The following DACH2 variants were observed in gnomAD, a reference collection of about 807,000 sequenced individuals.
DACH2 encodes the protein dachshund homolog 2.
In DACH2, 17 loss-of-function variants were observed where a neutral mutation model predicts 35.8. The observed-to-expected ratio is 0.48, with a 90% CI of 0.33 to 0.71. The LOEUF is 0.71. Ranked by LOEUF, DACH2 falls within the 30% of genes least tolerant of loss-of-function variation. The probability of loss-of-function intolerance (pLI) is 0.02; values close to 1 mark genes in which losing one functional copy is unlikely to be tolerated. For missense variants in DACH2, 469 were observed against 472.7 expected (o/e 0.99, Z 0.07); for synonymous variants, 195 against 177.3 (o/e 1.10, Z -0.79).
chrX:86,339,148 T>A (rs1036828196), intron 1 of DACH2, among the ~76,000 whole-genome samples: 1 of 110,743 alleles, frequency 9.0e-6, no homozygotes, highest in Non-Finnish European at 1.9e-5. Context: ...CAAAGAGGAG[T>A]TGGTACCCCG....
chrX:86,648,886 C>A (rs374310605), intron 3 of DACH2, among the ~76,000 whole-genome samples: 24 of 110,621 alleles, frequency 2.2e-4, no homozygotes, highest in African/African-American at 7.8e-4. Flanking sequence ...GTGTAAGGAG[C>A]TATATAAAAG....
chrX:86,819,467 G>T lies in DACH2; in HGVS notation c.1750+3368G>T, dbSNP rs978886622. On this transcript the variant is annotated intron_variant, in intron 11 of 11. Coordinates refer to ENST00000373125, the MANE Select transcript of DACH2 (RefSeq NM_053281.3). The stretch of plus-strand genomic sequence containing the variant: ...ATATTTTTGCAAATGACATTCAAGT[G>T]CCATTTGCATAGTGCATTTTTGCTG... Among the ~76,000 whole-genome samples the T allele has an allele frequency of 1.4e-4, 16 of 111,682 alleles. No homozygotes were observed. In the Admixed American group the frequency reaches 1.5e-3, roughly 11 times the overall value.
intron 3 of DACH2, among the ~76,000 whole-genome samples, chrX:86,598,127 A>G (rs972430567): frequency 9.0e-6 from 1 of 111,391 alleles, no homozygotes; most frequent in Admixed American, 9.5e-5. Context: ...ATTACCTCCC[A>G]CCAGGTCCCT....
intron 1 of DACH2, chrX:86,160,914 C>T (rs1484532913): frequency 1.5e-5 from 10 of 674,395 alleles, no homozygotes; most frequent in East Asian, 1.3e-4. Flanking sequence ...GAGAGGCAGG[C>T]GCAAGGGCTT....
intron 6 of DACH2, among the ~76,000 whole-genome samples, chrX:86,716,808 G>T (rs1005127961): frequency 2.0e-4 from 22 of 111,695 alleles, no homozygotes; most frequent in African/African-American, 7.1e-4. Flanking sequence ...TCCAAATATT[G>T]TTTTATTTTT....
intron 1 of DACH2, among the ~76,000 whole-genome samples, chrX:86,374,133 T>C (rs1157847827): frequency 1.8e-5 from 2 of 110,595 alleles, no homozygotes; most frequent in Admixed American, 9.7e-5. Context: ...TGGGGTAAAT[T>C]TAGGTTTCAA....
At chrX:86,346,662 A>G (rs1472861082) in intron 1 of DACH2, among the ~76,000 whole-genome samples, 1 of 111,832 alleles carries the variant, frequency 8.9e-6, no homozygotes, top group Non-Finnish European at 1.9e-5. Context: ...TAAAGTTTTA[A>G]TAGTGTTTCT....
chrX:86,466,317 T>A (rs1187629831), intron 2 of DACH2, among the ~76,000 whole-genome samples: 1 of 110,891 alleles, frequency 9.0e-6, no homozygotes, highest in African/African-American at 3.3e-5. Context: ...GCAGGAACTG[T>A]GGGAGTACAA....
intron 1 of DACH2, among the ~76,000 whole-genome samples, chrX:86,190,897 T>C (rs1395572531): frequency 1.8e-5 from 2 of 111,253 alleles, no homozygotes; most frequent in Non-Finnish European, 3.8e-5. Flanking sequence ...TGAGCTGAGA[T>C]TGCACCATTG....
chrX:86,461,258 G>A (rs761268252), intron 2 of DACH2, among the ~76,000 whole-genome samples: 38 of 111,288 alleles, frequency 3.4e-4, no homozygotes, highest in African/African-American at 1.2e-3. Flanking sequence ...TGAGAGAAGC[G>A]CTTGTTAGCA....
chrX:86,150,857 A>G (rs912440564), intron 1 of DACH2, among the ~76,000 whole-genome samples: 6 of 111,729 alleles, frequency 5.4e-5, no homozygotes, highest in Admixed American at 1.9e-4. Flanking sequence ...ATAATTGCAG[A>G]CATGAAAACC....
intron 2 of DACH2, among the ~76,000 whole-genome samples, chrX:86,406,807 C>T (rs2148138585): frequency 8.9e-6 from 1 of 111,979 alleles, no homozygotes; most frequent in Non-Finnish European, 1.9e-5. Context: ...TGAGAGTGCA[C>T]CTCCTCATAT....
At chrX:86,579,769 T>C (rs1602666266) in intron 3 of DACH2, among the ~76,000 whole-genome samples, 2 of 112,543 alleles carry the variant, frequency 1.8e-5, no homozygotes, top group African/African-American at 6.5e-5. Context: ...ATGTTCCTGT[T>C]GGCATATAGC....
At chrX:86,574,524 T>C (rs2039412363) in intron 3 of DACH2, among the ~76,000 whole-genome samples, 1 of 111,714 alleles carries the variant, frequency 9.0e-6, no homozygotes, top group South Asian at 3.7e-4. Context: ...ATTGCCATTT[T>C]TGAGATTTTC....
intron 11 of DACH2, among the ~76,000 whole-genome samples, chrX:86,819,644 CT>C (rs2042489185): frequency 9.0e-6 from 1 of 111,685 alleles, no homozygotes; most frequent in African/African-American, 3.2e-5. Context: ...AATCCTTTTA[CT>C]CCCCAGTCAA....
intron 3 of DACH2, among the ~76,000 whole-genome samples, chrX:86,584,317 G>A (rs915298611): frequency 1.8e-5 from 2 of 109,715 alleles, no homozygotes; most frequent in African/African-American, 6.6e-5. Flanking sequence ...AATTATTCTG[G>A]GTGTTTAAGA....
chrX:86,373,584 T>C (rs2035922148), intron 1 of DACH2, among the ~76,000 whole-genome samples: 2 of 110,766 alleles, frequency 1.8e-5, no homozygotes, highest in African/African-American at 3.3e-5. Context: ...TATTGGGTGA[T>C]CTGACACTAA....
intron 7 of DACH2, among the ~76,000 whole-genome samples, chrX:86,765,800 A>AT (rs745985544): frequency 0.038 from 2,871 of 75,708 alleles, 47 homozygotes; most frequent in African/African-American, 0.061. Flanking sequence ...TAAAAATGGC[A>AT]TTTTTTTTTA....
At chrX:86,820,052 A>G (rs1445477079) in intron 11 of DACH2, among the ~76,000 whole-genome samples, 1 of 111,788 alleles carries the variant, frequency 8.9e-6, no homozygotes, top group Admixed American at 9.5e-5. Flanking sequence ...CATTTTAGAA[A>G]ATAGACAACT....
Sources: gnomAD v4.1 joint callset for allele counts (sites outside exome capture counted in the v4.1 genomes callset) on GRCh38, gnomAD v4.1.1 for gene constraint, MANE v1.5 for transcripts, NCBI Gene and HGNC (gene_info 2026-07-23, HGNC 2026-07-21) for gene names.